KIF1B: variants seen among roughly 807,000 people sequenced by gnomAD.
The protein encoded by KIF1B is kinesin family member 1B.
A neutral mutation model predicts 241.9 loss-of-function variants in KIF1B; 76 were observed. The ratio of observed to expected loss-of-function variants is 0.31; its 90% CI spans 0.26 to 0.38. KIF1B has a LOEUF of 0.38. Among genes scored for constraint, KIF1B ranks in the 10% least tolerant of loss-of-function variants. The pLI is 1.00. For synonymous variants in KIF1B, 750 were observed against 796.7 expected, an observed-to-expected ratio of 0.94 and a Z score of 0.99; for missense variants, 1,622 against 2,271.4, an observed-to-expected ratio of 0.71 and a Z score of 5.81.
chr1:10,215,311 G>A (rs528332310), intron 1 of KIF1B, among the ~76,000 whole-genome samples: 25 of 149,866 alleles, frequency 1.7e-4, no homozygotes, highest in Non-Finnish European at 2.1e-4. Flanking sequence ...CTAGTAGCTG[G>A]GATTACAGGC....
At chr1:10,345,133 G>T (rs975703953) in intron 34 of KIF1B, among the ~76,000 whole-genome samples, 18 of 152,146 alleles carry the variant, frequency 1.2e-4, no homozygotes, top group African/African-American at 4.1e-4. Flanking sequence ...GGCAGAGGTT[G>T]CAGTGAGCCG....
intron 2 of KIF1B, among the ~76,000 whole-genome samples, chr1:10,232,789 C>G (rs1646999522): frequency 6.6e-6 from 1 of 152,086 alleles, no homozygotes; most frequent in Non-Finnish European, 1.5e-5. Context: ...GTTTTTCTTT[C>G]TAGATTTTAA....
intron 1 of KIF1B, among the ~76,000 whole-genome samples, chr1:10,231,206 G>A (rs895575216): frequency 1.7e-4 from 26 of 152,042 alleles, no homozygotes; most frequent in East Asian, 7.7e-4. Context: ...GCAAAACTCC[G>A]TCTTAAAAAA....
At chr1:10,290,056 CACTT>C (rs1351106971) in intron 15 of KIF1B, among the ~76,000 whole-genome samples, 3 of 152,018 alleles carry the variant, frequency 2.0e-5, no homozygotes, top group Non-Finnish European at 2.9e-5. Context: ...AATAAATCAT[CACTT>C]ACTTCTCTCT....
intron 34 of KIF1B, among the ~76,000 whole-genome samples, chr1:10,344,185 G>A (rs1652505372): frequency 6.6e-6 from 1 of 152,190 alleles, no homozygotes; most frequent in South Asian, 2.1e-4. Context: ...CAGTGTGCTT[G>A]CATCCTCCGC....
At chr1:10,366,925 C>T (rs971346091) in intron 43 of KIF1B, among the ~76,000 whole-genome samples, 5 of 151,358 alleles carry the variant, frequency 3.3e-5, no homozygotes, top group Non-Finnish European at 5.9e-5. Context: ...GAGCCGAGAT[C>T]GCGCCACTGC....
At chr1:10,345,508 G>GTCCCATGCT (rs1652556145) in intron 34 of KIF1B, 1 of 337,862 alleles carries the variant, frequency 3.0e-6, no homozygotes, top group Non-Finnish European at 5.7e-6. Flanking sequence ...TCCCACGTTA[G>GTCCCATGCT]TCCCATGCTT....
rs561625513 is a variant in KIF1B, at chr1:10,366,353, G to A, written c.4752+705G>A. Among the ~76,000 whole-genome samples the A allele has an allele frequency of 1.1e-4, 16 of 152,348 alleles. 1 individual carries two copies. In the South Asian group the frequency reaches 3.3e-3, roughly 32 times the overall value. ...ATGCTATGGGAGTCAGAGGAGAAGT[G>A]TCTATGGTGGGGAGCTCATGAGCTG... On this transcript the variant is annotated intron_variant, in intron 43 of 48. Transcript: ENST00000676179.
At chr1:10,223,546 G>GT (rs113574017) in intron 1 of KIF1B, among the ~76,000 whole-genome samples, 2,420 of 130,996 alleles carry the variant, frequency 0.018, 49 homozygotes, top group African/African-American at 0.056. Flanking sequence ...GTTTTGTTTT[G>GT]TTTTTTTTTT....
At chr1:10,294,252 A>G (rs1650149917) in intron 17 of KIF1B, among the ~76,000 whole-genome samples, 1 of 152,224 alleles carries the variant, frequency 6.6e-6, no homozygotes, top group Non-Finnish European at 1.5e-5. Flanking sequence ...TTAGAGTTAG[A>G]TGAAGAGGAT....
intron 48 of KIF1B, among the ~76,000 whole-genome samples, chr1:10,375,984 G>C (rs939148331): frequency 2.0e-5 from 3 of 149,738 alleles, no homozygotes; most frequent in Admixed American, 6.7e-5. Context: ...TGTATTTTTA[G>C]TAGAGATGGG....
At chr1:10,235,944 G>T (rs1647045801) in intron 2 of KIF1B, among the ~76,000 whole-genome samples, 1 of 150,086 alleles carries the variant, frequency 6.7e-6, no homozygotes, top group Non-Finnish European at 1.5e-5. Flanking sequence ...TTCCATTTAA[G>T]CTGGACCTTG....
chr1:10,224,330 A>G (rs928441246), intron 1 of KIF1B, among the ~76,000 whole-genome samples: 1 of 151,978 alleles, frequency 6.6e-6, no homozygotes, highest in Non-Finnish European at 1.5e-5. Flanking sequence ...GTTAGCCAGG[A>G]TGGTCTCGAT....
chr1:10,324,840 G>C lies in KIF1B; in HGVS notation c.2620G>C (p.Val874Leu). The stretch of plus-strand genomic sequence containing the variant: ...TGCCCAAGACGAAAGCGAAACCACT[G>C]TGACTGGCAGCGATCCCTTCTATGA... ...SSAQDESETT[V>L]TGSDPFYDRF... Residue 874 changes from valine (V) to leucine (L), a missense_variant, in exon 26 of 49, where the codon GTG becomes CTG. Val to Leu is a conservative substitution (Grantham distance 32). Transcript: ENST00000676179. 6.2e-7 allele frequency: 1 copy of C among 1,614,168 alleles called. No individual in the cohort carries two copies. The highest frequency in any genetic ancestry group is 8.5e-7 in the Non-Finnish European group (1 of 1,180,042).
chr1:10,281,997 C>CT (rs1388569143), intron 14 of KIF1B, among the ~76,000 whole-genome samples: 2 of 152,144 alleles, frequency 1.3e-5, no homozygotes, highest in Admixed American at 1.3e-4. Context: ...GGTAGTTTGG[C>CT]TTTTTTAGGG....
chr1:10,275,374 G>C lies in KIF1B; in HGVS notation c.883-54G>C. 3.2e-6 allele frequency: 3 copies of C among 941,494 alleles called. 1 individual carries two copies. In the South Asian group the frequency reaches 3.9e-5, roughly 12 times the overall value. The allele number at this position is 941,494 out of a possible 1,614,324, so 58.3% of individuals were successfully genotyped here. ...AATTTTAGACTGATTTGCCTTTCTTGGGAATTTTTTTCCCTAACGAAAAAT... is the reference window on the plus strand; with the variant it reads ...AATTTTAGACTGATTTGCCTTTCTTCGGAATTTTTTTCCCTAACGAAAAAT... On this transcript the variant is annotated intron_variant, in intron 10 of 48. Coordinates refer to ENST00000676179, the MANE Select transcript of KIF1B (RefSeq NM_001365951.3).
At chr1:10,352,007 G>T (rs920684767) in intron 37 of KIF1B, among the ~76,000 whole-genome samples, 2 of 152,124 alleles carry the variant, frequency 1.3e-5, no homozygotes, top group Non-Finnish European at 2.9e-5. Flanking sequence ...GAAACTGTCA[G>T]TCAGTGGCTT....
At chr1:10,307,023 A>AAAG in intron 22 of KIF1B, 14 of 1,040,410 alleles carry the variant, frequency 1.3e-5, no homozygotes, top group Non-Finnish European at 1.6e-5. Flanking sequence ...GTGATATTCC[A>AAAG]AAGAATTGGG....
At chr1:10,316,165 C>T (rs1651296253) in intron 22 of KIF1B, among the ~76,000 whole-genome samples, 1 of 149,020 alleles carries the variant, frequency 6.7e-6, no homozygotes. Context: ...CCTGAGAGGT[C>T]AAGGTTATAG....
Sources: gnomAD v4.1 joint callset for allele counts (sites outside exome capture counted in the v4.1 genomes callset) on GRCh38, gnomAD v4.1.1 for gene constraint, MANE v1.5 for transcripts, NCBI Gene and HGNC (gene_info 2026-07-23, HGNC 2026-07-21) for gene names.